Variants in PDE1C observed in about 807,000 individuals in gnomAD.
PDE1C encodes phosphodiesterase 1C, also known as dual specificity calcium/calmodulin-dependent 3',5'-cyclic nucleotide phosphodiesterase 1C.
A neutral mutation model predicts 93.1 loss-of-function variants in PDE1C; 62 were observed. The ratio of observed to expected loss-of-function variants is 0.67; its 90% CI spans 0.54 to 0.82. The LOEUF (loss-of-function observed/expected upper bound fraction) is 0.82, where lower values mean the gene tolerates loss of function less well. PDE1C is among the 40% of genes least tolerant of loss of function. The pLI, the probability that PDE1C is intolerant of heterozygous loss-of-function variation, is 0.00. For synonymous variants in PDE1C, 325 were observed against 310.1 expected, an observed-to-expected ratio of 1.05 and a Z score of -0.50; for missense variants, 742 against 884.6, an observed-to-expected ratio of 0.84 and a Z score of 2.04.
intron 2 of PDE1C, among the ~76,000 whole-genome samples, chr7:32,045,685 A>G (rs762753915): frequency 6.6e-6 from 1 of 152,184 alleles, no homozygotes; most frequent in South Asian, 2.1e-4. Flanking sequence ...ACAACAGTCT[A>G]CCAATTCTAT....
At chr7:32,389,088 G>A (rs1160038426) in intron 1 of PDE1C, among the ~76,000 whole-genome samples, 1 of 150,454 alleles carries the variant, frequency 6.6e-6, no homozygotes, top group Non-Finnish European at 1.5e-5. Context: ...ATATTTTAAG[G>A]AAAATATATA....
intron 2 of PDE1C, among the ~76,000 whole-genome samples, chr7:32,178,825 C>T (rs28409745): frequency 0.075 from 11,367 of 152,246 alleles, 658 homozygotes; most frequent in East Asian, 0.33. Context: ...ACCCTCCGGA[C>T]TGGTTATAAA....
At chr7:32,204,262 T>C (rs1301837764) in intron 2 of PDE1C, among the ~76,000 whole-genome samples, 1 of 152,216 alleles carries the variant, frequency 6.6e-6, no homozygotes, top group East Asian at 1.9e-4. Flanking sequence ...GTGAATTGTT[T>C]ATTCCTGGAA....
chr7:32,243,889 G>A (rs975649295), intron 1 of PDE1C, among the ~76,000 whole-genome samples: 3 of 152,198 alleles, frequency 2.0e-5, no homozygotes, highest in Non-Finnish European at 4.4e-5. Flanking sequence ...AGGAGTTTCT[G>A]AACTGGCTGT....
the PDE1C span, among the ~76,000 whole-genome samples, chr7:31,672,357 T>C: frequency 1.3e-5 from 2 of 152,198 alleles, no homozygotes; most frequent in East Asian, 1.9e-4. Context: ...TATTGATATA[T>C]AGATAACTTC....
chr7:31,648,567 A>T, the PDE1C span, among the ~76,000 whole-genome samples: 3 of 152,202 alleles, frequency 2.0e-5, no homozygotes, highest in African/African-American at 7.2e-5. Flanking sequence ...CCCAAACCAA[A>T]ACACCCCAGT....
chr7:32,102,998 C>T (rs996347356), intron 3 of PDE1C, among the ~76,000 whole-genome samples: 13 of 152,162 alleles, frequency 8.5e-5, no homozygotes, highest in African/African-American at 3.1e-4. Flanking sequence ...AGAGGGGCTC[C>T]TGCTTTGGCC....
intron 2 of PDE1C, among the ~76,000 whole-genome samples, chr7:31,932,074 G>C (rs1348849591): frequency 2.6e-5 from 4 of 152,122 alleles, no homozygotes; most frequent in Non-Finnish European, 5.9e-5. Context: ...ACTCAAGATG[G>C]ATTAAAGACT....
At chr7:32,020,000 C>A (rs1788428660) in intron 2 of PDE1C, among the ~76,000 whole-genome samples, 1 of 151,992 alleles carries the variant, frequency 6.6e-6, no homozygotes, top group African/African-American at 2.4e-5. Context: ...TGAGATGAAG[C>A]TCTGAGGGTA....
chr7:31,976,214 T>C (rs1811644026), intron 2 of PDE1C, among the ~76,000 whole-genome samples: 1 of 152,240 alleles, frequency 6.6e-6, no homozygotes, highest in Non-Finnish European at 1.5e-5. Context: ...TGAAGAATTA[T>C]GGAATCTCTG....
At chr7:32,183,009 GACAA>G (rs1185025704) in intron 2 of PDE1C, among the ~76,000 whole-genome samples, 2 of 152,208 alleles carry the variant, frequency 1.3e-5, no homozygotes, top group East Asian at 1.9e-4. Flanking sequence ...ACCAATAACA[GACAA>G]ACAGAGAGCC....
At chr7:31,714,867 C>G in the PDE1C span, among the ~76,000 whole-genome samples, 146,822 of 152,282 alleles carry the variant, frequency 0.96, 70,815 homozygotes, top group East Asian at 1. Flanking sequence ...GATGAGATTT[C>G]GGTGGGGACA....
intron 1 of PDE1C, among the ~76,000 whole-genome samples, chr7:32,272,540 A>G (rs1229171209): frequency 6.6e-6 from 1 of 152,254 alleles, no homozygotes; most frequent in Non-Finnish European, 1.5e-5. Flanking sequence ...ATTACGCTGT[A>G]AAAACTTTGA....
At chr7:31,634,171 T>C in the PDE1C span, among the ~76,000 whole-genome samples, 1 of 152,168 alleles carries the variant, frequency 6.6e-6, no homozygotes, top group African/African-American at 2.4e-5. Context: ...TTTCCCAACT[T>C]ACAAGTCAGT....
intron 16 of PDE1C, among the ~76,000 whole-genome samples, chr7:31,799,013 C>G (rs568853782): frequency 6.6e-6 from 1 of 151,430 alleles, no homozygotes; most frequent in Non-Finnish European, 1.5e-5. Flanking sequence ...GAAAGAATAA[C>G]GTGAGTATGA....
At chr7:31,826,869 G>C (rs891429817) in intron 12 of PDE1C, among the ~76,000 whole-genome samples, 17 of 152,148 alleles carry the variant, frequency 1.1e-4, no homozygotes, top group African/African-American at 3.9e-4. Context: ...TTTAGACTTT[G>C]CAGGCCATAT....
At chr7:32,344,994 G>T (rs1266773786) in intron 1 of PDE1C, among the ~76,000 whole-genome samples, 1 of 152,140 alleles carries the variant, frequency 6.6e-6, no homozygotes, top group Non-Finnish European at 1.5e-5. Context: ...TGAGGTTCAT[G>T]CTAATCCTTA....
chr7:32,005,401 A>G (rs1287653718), intron 2 of PDE1C, among the ~76,000 whole-genome samples: 1 of 151,676 alleles, frequency 6.6e-6, no homozygotes, highest in Non-Finnish European at 1.5e-5. Flanking sequence ...CTAAAAATAC[A>G]AAAAATTAGC....
At chr7:31,697,087 C>T in the PDE1C span, 17 of 1,613,982 alleles carry the variant, frequency 1.1e-5, no homozygotes, top group East Asian at 2.2e-4. Context: ...AAAAGACACA[C>T]CTGCCCTGCA....
Sources: allele counts gnomAD v4.1 joint callset (sites outside exome capture counted in the v4.1 genomes callset), GRCh38; gene constraint gnomAD v4.1.1; transcripts MANE v1.5; gene names NCBI Gene and HGNC (gene_info 2026-07-23, HGNC 2026-07-21).